The following FOXP1 variants were observed in gnomAD, a reference collection of about 807,000 sequenced individuals.
FOXP1 encodes forkhead box protein P1.
FOXP1 carries 15 observed loss-of-function variants against 98.2 expected under a neutral mutation model. That is an observed-to-expected ratio of 0.15 (90% CI 0.10 to 0.24). The LOEUF is 0.24. Among genes scored for constraint, FOXP1 ranks in the 10% least tolerant of loss-of-function variants. FOXP1 has a pLI of 1.00. For missense variants in FOXP1, 633 were observed against 848.5 expected, an observed-to-expected ratio of 0.75 and a Z score of 3.15; for synonymous variants, 371 against 314.5, an observed-to-expected ratio of 1.18 and a Z score of -1.90.
At chr3:71,062,746 G>C (rs1251329169) in intron 7 of FOXP1, among the ~76,000 whole-genome samples, 1 of 152,148 alleles carries the variant, frequency 6.6e-6, no homozygotes, top group Non-Finnish European at 1.5e-5. Flanking sequence ...GCACATTTGG[G>C]CAGGAAACAA....
At chr3:71,279,232 G>C (rs2071254164) in intron 5 of FOXP1, among the ~76,000 whole-genome samples, 1 of 148,930 alleles carries the variant, frequency 6.7e-6, no homozygotes, top group African/African-American at 2.5e-5. Flanking sequence ...CCAGAAAAGA[G>C]TTGGGGAATA....
At chr3:71,208,281 A>T (rs1201070768) in intron 5 of FOXP1, among the ~76,000 whole-genome samples, 1 of 152,166 alleles carries the variant, frequency 6.6e-6, no homozygotes, top group Admixed American at 6.5e-5. Flanking sequence ...TCCACAAAGA[A>T]ATTTCTAGCC....
At chr3:71,331,636 T>C (rs1005444104) in intron 4 of FOXP1, among the ~76,000 whole-genome samples, 31 of 152,346 alleles carry the variant, frequency 2.0e-4, no homozygotes, top group African/African-American at 7.5e-4. Context: ...ACTCTGTATC[T>C]AGCTCAAGGT....
Position 71,461,402 on chromosome 3 carries a change from G to A in FOXP1, c.-168+32024C>T, listed in dbSNP as rs72628633. On this transcript the variant is annotated intron_variant, in intron 3 of 20. Transcript: ENST00000649528. ...ATCTCATGCAACATAGTAAGTGTAC[G>A]GTAGATTCTGCAGGGTTATGACATC... Among the ~76,000 whole-genome samples, 531 of 152,274 alleles carry A rather than the reference G, an allele frequency of 3.5e-3. 27 individuals carry two copies. The East Asian group carries it at 0.076, about 22-fold the overall frequency.
At chr3:71,009,615 G>C (rs1032251132) in intron 12 of FOXP1, among the ~76,000 whole-genome samples, 2 of 151,978 alleles carry the variant, frequency 1.3e-5, no homozygotes, top group Admixed American at 6.6e-5. Flanking sequence ...TAGAAGGTTG[G>C]AAATTTTTGG....
At chr3:71,248,715 T>C (rs889852047) in intron 5 of FOXP1, among the ~76,000 whole-genome samples, 2 of 146,700 alleles carry the variant, frequency 1.4e-5, no homozygotes, top group African/African-American at 5.1e-5. Context: ...CACCCCAGCT[T>C]GGGCAACAGA....
intron 5 of FOXP1, among the ~76,000 whole-genome samples, chr3:71,220,427 G>A (rs2065271104): frequency 6.6e-6 from 1 of 152,176 alleles, no homozygotes; most frequent in Non-Finnish European, 1.5e-5. Flanking sequence ...TCAACACAGA[G>A]GTGACACTTG....
chr3:71,203,175 C>G (rs2063780369), intron 5 of FOXP1, among the ~76,000 whole-genome samples: 2 of 152,200 alleles, frequency 1.3e-5, no homozygotes, highest in African/African-American at 4.8e-5. Context: ...TCCAGATGAA[C>G]TGAGCCTGTT....
At chr3:71,218,477 T>G (rs1454616618) in intron 5 of FOXP1, among the ~76,000 whole-genome samples, 1 of 152,210 alleles carries the variant, frequency 6.6e-6, no homozygotes, top group African/African-American at 2.4e-5. Context: ...CTTCTCATTC[T>G]TTTTAATGAG....
intron 3 of FOXP1, among the ~76,000 whole-genome samples, chr3:71,457,807 G>A (rs1004249584): frequency 1.3e-5 from 2 of 152,154 alleles, no homozygotes; most frequent in Non-Finnish European, 2.9e-5. Context: ...ATATTTATGG[G>A]TAAGTTTGTT....
At chr3:71,582,811 G>T (rs2048292572) in intron 1 of FOXP1, 49 of 984,564 alleles carry the variant, frequency 5.0e-5, no homozygotes, top group Non-Finnish European at 5.8e-5. Context: ...AATTTTCCGG[G>T]CTCCGAGGGG....
At chr3:71,183,435 G>T (rs989905355) in intron 6 of FOXP1, among the ~76,000 whole-genome samples, 10 of 152,116 alleles carry the variant, frequency 6.6e-5, no homozygotes, top group African/African-American at 2.4e-4. Context: ...GGAGGCGGAG[G>T]TTGCAGTGAG....
chr3:71,253,354 C>T (rs2068369436), intron 5 of FOXP1, among the ~76,000 whole-genome samples: 1 of 151,910 alleles, frequency 6.6e-6, no homozygotes, highest in Non-Finnish European at 1.5e-5. Flanking sequence ...TTAGCTTAAC[C>T]TCTCTGAACC....
At chr3:71,176,200 A>ACCC (rs1221763885) in intron 6 of FOXP1, among the ~76,000 whole-genome samples, 1 of 152,220 alleles carries the variant, frequency 6.6e-6, no homozygotes, top group Non-Finnish European at 1.5e-5. Context: ...TCAGTGTGTG[A>ACCC]CAGCTGTTTG....
intron 3 of FOXP1, among the ~76,000 whole-genome samples, chr3:71,488,044 T>G (rs1007559606): frequency 6.6e-6 from 1 of 152,204 alleles, no homozygotes; most frequent in Non-Finnish European, 1.5e-5. Flanking sequence ...GTTCTTTCTT[T>G]GAAGATATGT....
intron 5 of FOXP1, among the ~76,000 whole-genome samples, chr3:71,257,756 C>T (rs1010541122): frequency 6.6e-6 from 1 of 152,110 alleles, no homozygotes; most frequent in South Asian, 2.1e-4. Flanking sequence ...TAATGTATTT[C>T]TCAGGCATTG....
intron 3 of FOXP1, among the ~76,000 whole-genome samples, chr3:71,381,103 A>C (rs951901184): frequency 1.3e-5 from 2 of 151,362 alleles, no homozygotes; most frequent in African/African-American, 4.9e-5. Flanking sequence ...GGTAAATTAC[A>C]ATTAGTTTTA....
chr3:71,468,451 C>G (rs1435042932), intron 3 of FOXP1, among the ~76,000 whole-genome samples: 1 of 152,176 alleles, frequency 6.6e-6, no homozygotes, highest in Admixed American at 6.5e-5. Context: ...AGGGATCTCA[C>G]CTGCTCTTCG....
At chr3:71,185,495 G>A (rs1257735676) in intron 6 of FOXP1, among the ~76,000 whole-genome samples, 2 of 152,118 alleles carry the variant, frequency 1.3e-5, no homozygotes, top group African/African-American at 2.4e-5. Flanking sequence ...CAATATAAAC[G>A]TTTGTGAAAT....
Sources: allele counts gnomAD v4.1 joint callset (sites outside exome capture counted in the v4.1 genomes callset), GRCh38; gene constraint gnomAD v4.1.1; transcripts MANE v1.5; gene names NCBI Gene and HGNC (gene_info 2026-07-23, HGNC 2026-07-21).